The following GRSF1 variants were observed in gnomAD, a reference collection of about 807,000 sequenced individuals.
GRSF1 encodes the protein G-rich sequence factor 1.
A neutral mutation model predicts 51.1 loss-of-function variants in GRSF1; 50 were observed. That is an observed-to-expected ratio of 0.98 (90% CI 0.78 to 1.24). The LOEUF is 1.24. Among genes scored for constraint, GRSF1 ranks in the 50% most tolerant of loss-of-function variants. The pLI is 0.00. For synonymous variants in GRSF1, 293 were observed against 253.3 expected (o/e 1.16, Z -1.49); for missense variants, 700 against 639.7 (o/e 1.09, Z -1.02).
chr4:70,839,996 C>A, upstream of GRSF1: 1 of 569,524 alleles, frequency 1.8e-6, no homozygotes, highest in Non-Finnish European at 2.9e-6. Flanking sequence ...GCGCGACGCT[C>A]CGCCCAGTCT....
At chr4:70,826,714 G>T (rs1733750844) in intron 6 of GRSF1, among the ~76,000 whole-genome samples, 1 of 152,010 alleles carries the variant, frequency 6.6e-6, no homozygotes, top group African/African-American at 2.4e-5. Context: ...TGGGCATGGT[G>T]ATGCATGCCT....
chr4:70,832,273 A>G (rs893680564), intron 4 of GRSF1, 34 bp downstream of exon 4: 11 of 1,587,334 alleles, frequency 6.9e-6, no homozygotes, highest in Admixed American at 1.7e-5. Flanking sequence ...GAAAAAAGAT[A>G]TGAGCTCCCA....
chr4:70,833,339 A>G, intron 2 of GRSF1, 66 bp from the exon 3 acceptor site: 2 of 1,374,700 alleles, frequency 1.5e-6, no homozygotes, highest in East Asian at 2.3e-5. Flanking sequence ...TATGTAAGTC[A>G]CAAGAATGCA....
At position 70,839,505 on chromosome 4, in the gene GRSF1, G is replaced by A. The variant is rs1734373372; in HGVS notation, c.323C>T (p.Ala108Val). The change falls in exon 1 of 10, where the codon GCG (alanine) becomes GTG (valine). Residue 108 changes from alanine to valine, a missense_variant. Transcript: ENST00000254799. ...GCTGCGCGTCGGGACGGCGGCCGCC[G>A]CCGCCAGCGACTGCGGCAGCAGAGA... is the stretch of plus-strand genomic sequence containing the variant. ...RASLLPQSLA[A>V]AAAVPTRSYS... 8.4e-6 allele frequency: 12 copies of A among 1,423,424 alleles called. No homozygotes were observed. Among genetic ancestry groups the A allele is most frequent in the Admixed American group, 3.1e-5 (1 of 32,158 alleles). The allele number at this position is 1,423,424 out of a possible 1,614,324, so 88.2% of individuals were successfully genotyped here. A position where few individuals can be genotyped will look rare whatever the true frequency, so the allele number is the denominator to read the frequency against.
At position 70,836,186 on chromosome 4, in the gene GRSF1, A is replaced by G. The variant is rs1734201297; in HGVS notation, c.486T>C (p.Thr162=). 1.9e-6 allele frequency: 3 copies of G among 1,569,464 alleles called. No individual in the cohort carries two copies. The highest frequency in any genetic ancestry group is 2.6e-6 in the Non-Finnish European group (3 of 1,164,012). ...IRAQGLPWSC[T]MEDVLNFFSD... ...AAAAAAAGTTAAGCACATCTTCCAT[A>G]GTGCATGACCAGGGCAGTCCTTGAG... The change falls in exon 2 of 10, where the codon ACT becomes ACC. Residue 162 remains threonine, a synonymous_variant. Coordinates refer to ENST00000254799, the MANE Select transcript of GRSF1 (RefSeq NM_002092.4).
At chr4:70,821,640 A>G (rs1453235274) in intron 9 of GRSF1, among the ~76,000 whole-genome samples, 1 of 147,958 alleles carries the variant, frequency 6.8e-6, no homozygotes, top group Non-Finnish European at 1.5e-5. Flanking sequence ...AATAGGATAT[A>G]GTAATAGAAT....
At chr4:70,836,868 A>C (rs958155947) in intron 1 of GRSF1, among the ~76,000 whole-genome samples, 6 of 152,244 alleles carry the variant, frequency 3.9e-5, no homozygotes, top group African/African-American at 1.2e-4. Context: ...CGAGAGAAAG[A>C]AGCAGTACGA....
At chr4:70,824,260 G>T in intron 9 of GRSF1, 34 bp downstream of exon 9, 1 of 908,632 alleles carries the variant, frequency 1.1e-6, no homozygotes, top group Non-Finnish European at 1.8e-6. Context: ...GTGAGCCACT[G>T]CACCCAGCCC....
In GRSF1 at chr4:70,836,200, G is replaced by A; in HGVS notation, c.472C>T (p.Pro158Ser). The A allele has an allele frequency of 6.2e-7, 1 of 1,605,520 alleles. No homozygotes were observed. Among genetic ancestry groups the A allele is most frequent in the Admixed American group, 1.7e-5 (1 of 58,302 alleles). Residue 158 changes from proline (P) to serine (S), a missense_variant, in exon 2 of 10, where the codon CCC (proline) becomes TCC (serine). By Grantham distance (74) the Pro-to-Ser change is moderately conservative. Transcript: ENST00000254799. ...ACATCTTCCATAGTGCATGACCAGG[G>A]CAGTCCTTGAGCTCGAATGAGAAAG... The part of the protein sequence containing the change: ...DVFLIRAQGL[P>S]WSCTMEDVLN...
chr4:70,837,695 T>C (rs7695876), intron 1 of GRSF1, among the ~76,000 whole-genome samples: 137,640 of 151,210 alleles, frequency 0.91, 63,674 homozygotes, highest in East Asian at 1. Flanking sequence ...GACTAGAGTA[T>C]AATGGCACAA....
chr4:70,831,496 T>C, intron 5 of GRSF1, 43 bp downstream of exon 5: 1 of 1,559,410 alleles, frequency 6.4e-7, no homozygotes, highest in Non-Finnish European at 8.8e-7. Flanking sequence ...CAAAATGACT[T>C]AATGTGTAAC....
intron 5 of GRSF1, among the ~76,000 whole-genome samples, chr4:70,828,542 G>GACT (rs1733824544): frequency 1.3e-5 from 2 of 151,678 alleles, no homozygotes; most frequent in Non-Finnish European, 2.9e-5. Context: ...TCACAGGAGG[G>GACT]GACTATCTAT....
chr4:70,836,235 A>G lies in GRSF1; in HGVS notation c.437T>C (p.Val146Ala), dbSNP rs1376211587. 1.9e-6 allele frequency: 3 copies of G among 1,610,042 alleles called. No individual in the cohort carries two copies. Among genetic ancestry groups the G allele is most frequent in the African/African-American group, 2.7e-5 (2 of 74,772 alleles). ...ELAPSKLEEE[V>A]DDVFLIRAQG... ...AGCTCGAATGAGAAAGACATCATCC[A>G]CTTCCTCTTCTAACTTGGACGGGGC... The change falls in exon 2 of 10, where the codon GTG becomes GCG. Residue 146 changes from valine (V) to alanine (A), a missense_variant. Val to Ala is a moderately conservative substitution (Grantham distance 64). Transcript: ENST00000254799.
Position 70,833,238 on chromosome 4 carries a change from A to C in GRSF1, c.550T>G (p.Phe184Val). The change falls in exon 3 of 10, where the codon TTT (phenylalanine) becomes GTT (valine). Residue 184 changes from phenylalanine to valine, a missense_variant. Transcript: ENST00000254799. ...CGTTTCCCATCTCTGTTTAGGAGAA[A>C]ATGTATTCCATTCTCACCGTTGCGG... ...RIRNGENGIHFLLNRDGKRRG... is the reference protein window; with the variant it reads ...RIRNGENGIHVLLNRDGKRRG... 1 of 1,613,906 alleles carries C rather than the reference A, an allele frequency of 6.2e-7. No individual in the cohort carries two copies. The highest frequency in any genetic ancestry group is 8.5e-7 in the Non-Finnish European group (1 of 1,179,796).
intron 1 of GRSF1, among the ~76,000 whole-genome samples, chr4:70,836,648 A>G (rs1304519813): frequency 3.3e-5 from 5 of 152,308 alleles, no homozygotes; most frequent in East Asian, 3.9e-4. Context: ...GCCCCTACAC[A>G]CAGTGTTTGC....
At chr4:70,842,303 T>A (rs1734475693), upstream of GRSF1, among the ~76,000 whole-genome samples, 1 of 152,214 alleles carries the variant, frequency 6.6e-6, no homozygotes, top group Non-Finnish European at 1.5e-5. Flanking sequence ...ACTGGATGTC[T>A]CTTCCCTGAA....
At position 70,819,782 on chromosome 4, in the gene GRSF1, A is replaced by G. The variant is rs1733435180; in HGVS notation, c.*1105T>C. Reference sequence around the variant, plus strand: ...TGATTCTCCTACACAGGTGCACATAAAGTTAGTTTATTAATGACTATATTT... The same window carrying G: ...TGATTCTCCTACACAGGTGCACATAGAGTTAGTTTATTAATGACTATATTT... On this transcript the variant is annotated 3_prime_UTR_variant, in exon 10 of 10. Transcript: ENST00000254799. 6.6e-6 allele frequency: 1 copy of G among 152,622 alleles called. No homozygotes were observed. The highest frequency in any genetic ancestry group is 1.5e-5 in the Non-Finnish European group (1 of 68,038). The allele number at this position is 152,622 out of a possible 1,614,324, so 9.5% of individuals were successfully genotyped here.
rs1393668000 is a variant in GRSF1, at chr4:70,827,119, C to A, written c.1135+733G>T. On this transcript the variant is annotated intron_variant, in intron 6 of 9. Coordinates refer to ENST00000254799, the MANE Select transcript of GRSF1 (RefSeq NM_002092.4). ...CCTGGCCAACACGGGGAAACCCCGTCTCTACTAAAAATATAAAAATTAGCC... is the reference window on the plus strand; with the variant it reads ...CCTGGCCAACACGGGGAAACCCCGTATCTACTAAAAATATAAAAATTAGCC... 2.0e-5 allele frequency among the ~76,000 whole-genome samples: 3 copies of A among 152,002 alleles called. No individual in the cohort carries two copies. The East Asian group carries it at 5.8e-4, about 29-fold the overall frequency.
rs1263901895 is a variant in GRSF1, at chr4:70,818,085, C to G, written c.*2802G>C. ...ACAGAGTCTCACTCTGTTGCCCAGGCTGGAGTGCAATGGTGTGATCTTGGC... is the reference window on the plus strand; with the variant it reads ...ACAGAGTCTCACTCTGTTGCCCAGGGTGGAGTGCAATGGTGTGATCTTGGC... On this transcript the variant is annotated 3_prime_UTR_variant, in exon 10 of 10. Transcript: ENST00000254799. 1 of 152,238 alleles carries G rather than the reference C, an allele frequency of 6.6e-6. No individual in the cohort carries two copies. The highest frequency in any genetic ancestry group is 2.4e-5 in the African/African-American group (1 of 41,432). The allele number at this position is 152,238 out of a possible 1,614,324, so 9.4% of individuals were successfully genotyped here. A position where few individuals can be genotyped will look rare whatever the true frequency, so the allele number is the denominator to read the frequency against.
Sources: allele counts gnomAD v4.1 joint callset (sites outside exome capture counted in the v4.1 genomes callset), GRCh38; gene constraint gnomAD v4.1.1; transcripts MANE v1.5; gene names NCBI Gene and HGNC (gene_info 2026-07-23, HGNC 2026-07-21).